Variants in PROX1 observed in about 807,000 individuals in gnomAD.
PROX1 encodes the protein prospero homeobox protein 1.
Under a neutral mutation model 58.8 loss-of-function variants are expected in PROX1, and 7 were observed. The ratio of observed to expected loss-of-function variants is 0.12; its 90% CI spans 0.07 to 0.22. The LOEUF (loss-of-function observed/expected upper bound fraction) is 0.22, where lower values mean the gene tolerates loss of function less well. Ranked by LOEUF, PROX1 falls within the 10% of genes least tolerant of loss-of-function variation. The pLI is 1.00. For missense variants in PROX1, 675 were observed against 927.8 expected, an observed-to-expected ratio of 0.73 and a Z score of 3.54; for synonymous variants, 350 against 358.3, an observed-to-expected ratio of 0.98 and a Z score of 0.26.
In PROX1 at chr1:213,996,513, G is replaced by T. The variant is rs779148123; in HGVS notation, c.-23G>T. ...TGTGCCCAGCTGACGAGCTTTTGAAGATGGCACAATAACCGTCCAGTGATG... is the reference window on the plus strand; with the variant it reads ...TGTGCCCAGCTGACGAGCTTTTGAATATGGCACAATAACCGTCCAGTGATG... On this transcript the variant is annotated 5_prime_UTR_variant, in exon 2 of 5. Coordinates refer to ENST00000366958, the MANE Select transcript of PROX1 (RefSeq NM_001270616.2). 6.3e-7 allele frequency: 1 copy of T among 1,591,246 alleles called. No individual in the cohort carries two copies. The highest frequency in any genetic ancestry group is 8.6e-7 in the Non-Finnish European group (1 of 1,165,700).
chr1:214,017,395 A>G (rs1171212549), intron 4 of PROX1, among the ~76,000 whole-genome samples: 1 of 152,170 alleles, frequency 6.6e-6, no homozygotes. Flanking sequence ...GTCTTTAGGT[A>G]TCATATGTCT....
At position 213,996,743 on chromosome 1, in the gene PROX1, C is replaced by G; in HGVS notation, c.208C>G (p.Leu70Val). The change falls in exon 2 of 5, where the codon CTC (leucine) becomes GTC (valine). Residue 70 changes from leucine (L) to valine (V), a missense_variant. This residue lies in a region of PROX1 where 157 missense variants were observed against 197.8 expected (regional missense o/e 0.79). Transcript: ENST00000366958. ...QHADGEKSNVLRKLLKRANSY... is the reference protein window; with the variant it reads ...QHADGEKSNVVRKLLKRANSY... ...TGCAGATGGGGAAAAGTCAAATGTACTCCGCAAGCTGCTGAAGAGGGCGAA... is the reference window on the plus strand; with the variant it reads ...TGCAGATGGGGAAAAGTCAAATGTAGTCCGCAAGCTGCTGAAGAGGGCGAA... 1 of 1,614,178 alleles carries G rather than the reference C, an allele frequency of 6.2e-7. No individual in the cohort carries two copies. Among genetic ancestry groups the G allele is most frequent in the South Asian group, 1.1e-5 (1 of 91,082 alleles).
intron 4 of PROX1, among the ~76,000 whole-genome samples, chr1:214,031,066 T>TGTGTGTGTGTGC (rs1231686198): frequency 2.9e-4 from 28 of 95,134 alleles, no homozygotes; most frequent in African/African-American, 8.3e-4. Flanking sequence ...TGTGTGTGTG[T>TGTGTGTGTGTGC]GCGCGCGCGC....
chr1:214,008,143 C>A (rs1663782645), intron 3 of PROX1, among the ~76,000 whole-genome samples: 2 of 152,060 alleles, frequency 1.3e-5, no homozygotes. Flanking sequence ...CCTCCACCTC[C>A]TGGGTTCAAG....
Position 213,997,385 on chromosome 1 carries a change from C to T in PROX1, c.850C>T (p.Leu284=), listed in dbSNP as rs1369838753. ...LSEDSMRSEI[L]DARAQDSVGR... ...TGAAGACAGCATGCGCTCGGAGATC[C>T]TGGATGCCAGGGCCCAGGACTCTGT... Residue 284 remains leucine, a synonymous_variant, in exon 2 of 5, where the codon CTG becomes TTG. Transcript: ENST00000366958. This position sits in a 1 kb window ranked among gnomAD's most constrained non-coding sequence, Gnocchi z 7.1. The T allele has an allele frequency of 2.5e-6, 4 of 1,613,944 alleles. No homozygotes were observed. The highest frequency in any genetic ancestry group is 1.3e-5 in the African/African-American group (1 of 74,904).
At chr1:213,985,519 T>C (rs1209472524), upstream of PROX1, 1 of 152,146 alleles carries the variant, frequency 6.6e-6, no homozygotes, top group Non-Finnish European at 1.5e-5. Flanking sequence ...TGCGCCCTAA[T>C]GCGGGCTGCG....
chr1:213,995,112 C>T lies in PROX1; in HGVS notation c.-67-1357C>T, dbSNP rs954367241. 4.6e-5 allele frequency among the ~76,000 whole-genome samples: 7 copies of T among 151,962 alleles called. No individual in the cohort carries two copies. The East Asian group carries it at 1.4e-3, about 29-fold the overall frequency. ...GCCGTTCCAGACACTCTGCATGCTGCCTTTGGCAATGGACCCTGTTATTGT... is the reference window on the plus strand; with the variant it reads ...GCCGTTCCAGACACTCTGCATGCTGTCTTTGGCAATGGACCCTGTTATTGT... On this transcript the variant is annotated intron_variant, in intron 1 of 4. Transcript: ENST00000366958.
intron 1 of PROX1, among the ~76,000 whole-genome samples, chr1:213,995,580 T>G (rs1290675279): frequency 6.6e-6 from 1 of 152,160 alleles, no homozygotes; most frequent in Non-Finnish European, 1.5e-5. Context: ...AGGAAACTAG[T>G]CCTGAAGATA....
At chr1:213,986,957 C>G (rs926770171), upstream of PROX1, among the ~76,000 whole-genome samples, 2 of 152,158 alleles carry the variant, frequency 1.3e-5, no homozygotes, top group African/African-American at 4.8e-5. Context: ...TATTTTAGAG[C>G]CTGCGATTTA....
At chr1:213,991,438 A>C (rs1663033445) in intron 1 of PROX1, among the ~76,000 whole-genome samples, 1 of 152,178 alleles carries the variant, frequency 6.6e-6, no homozygotes, top group African/African-American at 2.4e-5. Context: ...ACACACACAC[A>C]CACCCAATAC....
intron 3 of PROX1, 128 bp from the exon 4 acceptor site, chr1:214,011,393 G>C: frequency 2.6e-6 from 2 of 770,378 alleles, no homozygotes; most frequent in Non-Finnish European, 2.0e-6. Flanking sequence ...CCACCATTTT[G>C]GTGGAGTTAA....
chr1:214,011,429 G>A (rs1224446033), intron 3 of PROX1, 92 bp from the exon 4 acceptor site: 1 of 1,198,968 alleles, frequency 8.3e-7, no homozygotes, highest in Non-Finnish European at 1.2e-6. Flanking sequence ...AGTAAAGAAG[G>A]GACGGGAACA....
chr1:214,032,005 T>C (rs1480851823), intron 4 of PROX1, among the ~76,000 whole-genome samples: 1 of 152,212 alleles, frequency 6.6e-6, no homozygotes. Flanking sequence ...CACCTCAAAG[T>C]AAGCACTATA....
rs1275574645 is a variant in PROX1, at chr1:214,038,098, T to A, written c.*2264T>A. 1 of 152,170 alleles carries A rather than the reference T, an allele frequency of 6.6e-6. No individual in the cohort carries two copies. Among genetic ancestry groups the A allele is most frequent in the African/African-American group, 2.4e-5 (1 of 41,434 alleles). 9.4% of individuals were successfully genotyped at this position (152,170 alleles called of 1,614,324 possible). A position where few individuals can be genotyped will look rare whatever the true frequency, so the allele number is the denominator to read the frequency against. ...CTTATTTGGATTTTTTTAGTATTAT[T>A]TTCCCCTCCCTTTCTAATTTAAATA... On this transcript the variant is annotated 3_prime_UTR_variant, in exon 5 of 5. Transcript: ENST00000366958.
At position 213,998,265 on chromosome 1, in the gene PROX1, C is replaced by A; in HGVS notation, c.1725+5C>A. On this transcript the variant is annotated splice_donor_5th_base_variant and intron_variant, in intron 2 of 4. Coordinates refer to ENST00000366958, the MANE Select transcript of PROX1 (RefSeq NM_001270616.2). ...TCACCTTATTCGGGAAGTGCAATAT[C>A]CTTTTATTTTCCCCTCGAGGAAAAA... 6.5e-7 allele frequency: 1 copy of A among 1,529,362 alleles called. No individual in the cohort carries two copies. Among genetic ancestry groups the A allele is most frequent in the South Asian group, 1.3e-5 (1 of 76,732 alleles). The allele number at this position is 1,529,362 out of a possible 1,614,324, so 94.7% of individuals were successfully genotyped here. A position where few individuals can be genotyped will look rare whatever the true frequency, so the allele number is the denominator to read the frequency against.
At chr1:214,035,441 T>C (rs1664796696) in intron 4 of PROX1, among the ~76,000 whole-genome samples, 1 of 152,238 alleles carries the variant, frequency 6.6e-6, no homozygotes, top group Admixed American at 6.5e-5. Context: ...TCATACACTC[T>C]TCTTAAAACA....
Position 213,997,456 on chromosome 1 carries a change from T to C in PROX1, c.921T>C (p.Phe307=). 6.2e-7 allele frequency: 1 copy of C among 1,614,080 alleles called. No homozygotes were observed. Among genetic ancestry groups the C allele is most frequent in the Non-Finnish European group, 8.5e-7 (1 of 1,180,024 alleles). Residue 307 remains phenylalanine (F), a synonymous_variant, in exon 2 of 5, where the codon TTT becomes TTC. Coordinates refer to ENST00000366958, the MANE Select transcript of PROX1 (RefSeq NM_001270616.2). This position sits in a 1 kb window ranked among gnomAD's most constrained non-coding sequence, Gnocchi z 7.1. ...NEMCELDPGQ[F]IDRARALIRE... is the part of the protein sequence containing the mutation. ...TGTGCGAGCTAGACCCAGGACAGTTTATTGACCGAGCTCGAGCCCTGATCA... is the reference window on the plus strand; with the variant it reads ...TGTGCGAGCTAGACCCAGGACAGTTCATTGACCGAGCTCGAGCCCTGATCA...
intron 3 of PROX1, among the ~76,000 whole-genome samples, chr1:214,011,232 C>T (rs1426478564): frequency 6.6e-6 from 1 of 151,948 alleles, no homozygotes; most frequent in African/African-American, 2.4e-5. Flanking sequence ...AGATGAAGAA[C>T]AATGGTTAAA....
rs965197259 is a variant in PROX1 at position 213,997,966 on chromosome 1, G to A, written c.1431G>A (p.Thr477=). 2 of 1,613,928 alleles carry A rather than the reference G, an allele frequency of 1.2e-6. No homozygotes were observed. The highest frequency in any genetic ancestry group is 8.5e-7 in the Non-Finnish European group (1 of 1,179,928). ...TCTCTGCCACCACGGGCTTCACCAC[G>A]TCCACCTTCCGCCACCCCTTCCCCC... ...SPLSATTGFT[T]STFRHPFPLP... Residue 477 remains threonine, a synonymous_variant, in exon 2 of 5, where the codon ACG becomes ACA. Coordinates refer to ENST00000366958, the MANE Select transcript of PROX1 (RefSeq NM_001270616.2). This position sits in a 1 kb window ranked among gnomAD's most constrained non-coding sequence, Gnocchi z 7.1.
Sources: allele counts gnomAD v4.1 joint callset (sites outside exome capture counted in the v4.1 genomes callset), GRCh38; gene constraint gnomAD v4.1.1; regional missense constraint gnomAD v4.1.1; non-coding constraint Gnocchi (gnomAD v3.1); transcripts MANE v1.5; gene names NCBI Gene and HGNC (gene_info 2026-07-23, HGNC 2026-07-21).